Variants in PRKCE observed in about 807,000 individuals in gnomAD.
PRKCE encodes the protein protein kinase C epsilon.
Under a neutral mutation model 85.4 loss-of-function variants are expected in PRKCE, and 16 were observed. The observed-to-expected ratio is 0.19, with a 90% confidence interval of 0.13 to 0.28. PRKCE has a LOEUF of 0.28. Ranked by LOEUF, PRKCE falls within the 10% of genes least tolerant of loss-of-function variation. PRKCE has a pLI of 1.00. For missense variants in PRKCE, 573 were observed against 975.2 expected, an observed-to-expected ratio of 0.59 and a Z score of 5.49; for synonymous variants, 388 against 371.5, an observed-to-expected ratio of 1.04 and a Z score of -0.51.
intron 2 of PRKCE, among the ~76,000 whole-genome samples, 169 bp from the exon 3 acceptor site, chr2:45,976,260 G>T (rs1484973843): frequency 1.3e-5 from 2 of 152,168 alleles, no homozygotes; most frequent in African/African-American, 4.8e-5. Flanking sequence ...GCTCACTCCA[G>T]CTGCTCAGTG....
At chr2:46,023,155 T>TG (rs1161006316) in intron 10 of PRKCE, among the ~76,000 whole-genome samples, 2 of 150,918 alleles carry the variant, frequency 1.3e-5, no homozygotes, top group African/African-American at 4.9e-5. Flanking sequence ...AGCTTTGTCA[T>TG]GTTTCTCTTT....
At chr2:45,750,674 C>T (rs1341216636) in intron 1 of PRKCE, among the ~76,000 whole-genome samples, 1 of 152,170 alleles carries the variant, frequency 6.6e-6, no homozygotes, top group Non-Finnish European at 1.5e-5. Flanking sequence ...AGTTTTCTTC[C>T]CACATGAAAT....
At position 45,786,679 on chromosome 2, in the gene PRKCE, A is replaced by T. The variant is rs1477793696; in HGVS notation, c.349-56321A>T. Among the ~76,000 whole-genome samples, 1 of 152,172 alleles carries T rather than the reference A, an allele frequency of 6.6e-6. No individual in the cohort carries two copies. The highest frequency in any genetic ancestry group is 1.5e-5 in the Non-Finnish European group (1 of 68,032). On this transcript the variant is annotated intron_variant, in intron 1 of 14. Coordinates refer to ENST00000306156, the MANE Select transcript of PRKCE (RefSeq NM_005400.3). The surrounding 1 kb of genome is among the most constrained non-coding windows in gnomAD (Gnocchi z 5.3). Reference sequence around the variant, plus strand: ...GAGGGGGCAAGGGTTTAAGTTTATTATCAAGGAACAGCAGCAAACCTTACT... The same window carrying T: ...GAGGGGGCAAGGGTTTAAGTTTATTTTCAAGGAACAGCAGCAAACCTTACT...
chr2:45,933,931 C>G (rs1573933006), intron 2 of PRKCE, among the ~76,000 whole-genome samples: 1 of 152,154 alleles, frequency 6.6e-6, no homozygotes, highest in Non-Finnish European at 1.5e-5. Context: ...TGCAGGTACT[C>G]CTGGCTTCAG....
At chr2:45,974,166 G>C (rs1157354798) in intron 2 of PRKCE, among the ~76,000 whole-genome samples, 2 of 152,160 alleles carry the variant, frequency 1.3e-5, no homozygotes, top group African/African-American at 4.8e-5. Flanking sequence ...GAAAATAGTA[G>C]AACATTCTAC....
At chr2:46,146,222 T>C (rs1045138518) in intron 12 of PRKCE, among the ~76,000 whole-genome samples, 2 of 152,262 alleles carry the variant, frequency 1.3e-5, no homozygotes, top group South Asian at 4.1e-4. Context: ...TGGCCTGTCA[T>C]AGACAATCAA....
At chr2:46,095,052 T>A (rs1191462316) in intron 11 of PRKCE, among the ~76,000 whole-genome samples, 1 of 152,234 alleles carries the variant, frequency 6.6e-6, no homozygotes, top group Non-Finnish European at 1.5e-5. Flanking sequence ...TTTAGAAAAT[T>A]AAGCCCTTCA....
chr2:45,831,346 G>A (rs1005393328), intron 1 of PRKCE, among the ~76,000 whole-genome samples: 1 of 152,248 alleles, frequency 6.6e-6, no homozygotes, highest in Non-Finnish European at 1.5e-5. Context: ...AGAACAGAAT[G>A]TCAGTGTTGT....
At chr2:46,036,088 C>T (rs1381583913) in intron 10 of PRKCE, among the ~76,000 whole-genome samples, 3 of 152,208 alleles carry the variant, frequency 2.0e-5, no homozygotes, top group Admixed American at 2.0e-4. Context: ...GAGCCGGCCA[C>T]TCATATGCCT....
At position 45,887,981 on chromosome 2, in the gene PRKCE, G is replaced by A. The variant is rs1695423582; in HGVS notation, c.412+44918G>A. 2.6e-5 allele frequency among the ~76,000 whole-genome samples: 4 copies of A among 152,320 alleles called. No homozygotes were observed. The South Asian group carries it at 8.3e-4, about 32-fold the overall frequency. On this transcript the variant is annotated intron_variant, in intron 2 of 14. Coordinates refer to ENST00000306156, the MANE Select transcript of PRKCE (RefSeq NM_005400.3). ...CATAGGAGAGGTGGGCACACTAGAAGGATAGAATGTATGCTGGAAGCCAAT... is the reference window on the plus strand; with the variant it reads ...CATAGGAGAGGTGGGCACACTAGAAAGATAGAATGTATGCTGGAAGCCAAT...
At chr2:46,015,715 G>GAAAAATAAA (rs1706080548) in intron 10 of PRKCE, among the ~76,000 whole-genome samples, 1 of 139,506 alleles carries the variant, frequency 7.2e-6, no homozygotes, top group African/African-American at 2.7e-5. Flanking sequence ...AAAAAAAAAC[G>GAAAAATAAA]AAGTAAAAAT....
intron 11 of PRKCE, among the ~76,000 whole-genome samples, chr2:46,106,085 A>T (rs1288228150): frequency 6.6e-6 from 1 of 152,152 alleles, no homozygotes; most frequent in Non-Finnish European, 1.5e-5. Context: ...GTTTGTCTGC[A>T]AGTTTTTTCA....
intron 9 of PRKCE, among the ~76,000 whole-genome samples, chr2:46,009,096 C>T (rs1202378782): frequency 6.6e-6 from 1 of 152,042 alleles, no homozygotes; most frequent in African/African-American, 2.4e-5. Context: ...TAAATGAGTG[C>T]AAAAATATCA....
At chr2:45,721,554 A>G (rs1295728873) in intron 1 of PRKCE, among the ~76,000 whole-genome samples, 1 of 152,160 alleles carries the variant, frequency 6.6e-6, no homozygotes, top group East Asian at 1.9e-4. Flanking sequence ...GAAAAGCAGC[A>G]TAGTCCCAAT....
intron 13 of PRKCE, among the ~76,000 whole-genome samples, chr2:46,157,462 G>C (rs1677327370): frequency 6.6e-6 from 1 of 152,216 alleles, no homozygotes; most frequent in Non-Finnish European, 1.5e-5. Context: ...GCATGTAGCA[G>C]GTAGAGGCCA....
At chr2:46,110,715 T>G (rs1672177115) in intron 11 of PRKCE, among the ~76,000 whole-genome samples, 2 of 152,042 alleles carry the variant, frequency 1.3e-5, no homozygotes, top group African/African-American at 2.4e-5. Context: ...TGATTTCTAT[T>G]ATTTGTTTGT....
chr2:46,037,027 C>T (rs1290497962), intron 10 of PRKCE, among the ~76,000 whole-genome samples: 2 of 152,218 alleles, frequency 1.3e-5, no homozygotes, highest in Middle Eastern at 3.2e-3. Context: ...GACCCTCCTC[C>T]TCGCCTGCCT....
chr2:45,884,978 TATATATATATATATA>T (rs1298584630), intron 2 of PRKCE, among the ~76,000 whole-genome samples: 1,018 of 69,212 alleles, frequency 0.015, 80 homozygotes, highest in South Asian at 0.13. Flanking sequence ...TATATATATA[TATATATATATATATA>T]TATATATATT....
chr2:46,020,884 C>G (rs934058208), intron 10 of PRKCE, among the ~76,000 whole-genome samples: 5 of 152,196 alleles, frequency 3.3e-5, no homozygotes, highest in Non-Finnish European at 5.9e-5. Flanking sequence ...GCAAGCCTAT[C>G]CAAGTTGTTT....
Sources: allele counts gnomAD v4.1 joint callset (sites outside exome capture counted in the v4.1 genomes callset), GRCh38; gene constraint gnomAD v4.1.1; non-coding constraint Gnocchi (gnomAD v3.1); transcripts MANE v1.5; gene names NCBI Gene and HGNC (gene_info 2026-07-23, HGNC 2026-07-21).